C8orf34: variants seen among roughly 807,000 people sequenced by gnomAD.
C8orf34 encodes chromosome 8 open reading frame 34, also known as uncharacterized protein C8orf34.
C8orf34 carries 65 observed loss-of-function variants against 68.3 expected under a neutral mutation model. The ratio of observed to expected loss-of-function variants is 0.95; its 90% CI spans 0.78 to 1.17. The LOEUF (loss-of-function observed/expected upper bound fraction) is 1.17, where lower values mean the gene tolerates loss of function less well. C8orf34 is among the 50% of genes most tolerant of loss of function. C8orf34 has a pLI of 0.00. For synonymous variants in C8orf34, 244 were observed against 241.2 expected, an observed-to-expected ratio of 1.01 and a Z score of -0.11; for missense variants, 664 against 655.4, an observed-to-expected ratio of 1.01 and a Z score of -0.14.
intron 10 of C8orf34, among the ~76,000 whole-genome samples, chr8:68,763,475 A>T (rs17389700): frequency 6.6e-6 from 1 of 151,898 alleles, no homozygotes; most frequent in Non-Finnish European, 1.5e-5. Flanking sequence ...CCTTCAGTTT[A>T]TTTTTGTTCA....
chr8:68,489,705 G>A (rs976744417), intron 5 of C8orf34, among the ~76,000 whole-genome samples: 4 of 152,056 alleles, frequency 2.6e-5, no homozygotes, highest in Non-Finnish European at 4.4e-5. Flanking sequence ...TTTCAAATTA[G>A]GGATGCTCAA....
chr8:68,809,918 A>T lies in C8orf34; in HGVS notation c.1550-5968A>T, dbSNP rs527780074. On this transcript the variant is annotated intron_variant, in intron 12 of 13. Coordinates refer to ENST00000518698, the MANE Select transcript of C8orf34 (RefSeq NM_052958.4). ...ACGATTAAAAAGAAGAGCTCTAAGC[A>T]CAGAGCTCCAAAAGTGTGACATAAT... 1.2e-3 allele frequency among the ~76,000 whole-genome samples: 180 copies of T among 152,366 alleles called. 1 individual carries two copies. The highest frequency in any genetic ancestry group is 4.0e-3 in the African/African-American group (168 of 41,592).
chr8:68,772,751 CTCCTTCCTTCTTTCCT>C (rs1232283748), intron 10 of C8orf34, among the ~76,000 whole-genome samples: 4 of 129,418 alleles, frequency 3.1e-5, no homozygotes, highest in South Asian at 2.8e-4. Flanking sequence ...CTCTCTTTCT[CTCCTTCCTTCTTTCCT>C]TCCTTCCTTC....
At chr8:68,598,920 A>C (rs941026870) in intron 7 of C8orf34, among the ~76,000 whole-genome samples, 7 of 152,144 alleles carry the variant, frequency 4.6e-5, no homozygotes, top group African/African-American at 1.7e-4. Context: ...AATTTCAGAC[A>C]TTTGTTTTGT....
At chr8:68,669,620 G>C (rs1453261055) in intron 8 of C8orf34, among the ~76,000 whole-genome samples, 1 of 152,204 alleles carries the variant, frequency 6.6e-6, no homozygotes, top group Non-Finnish European at 1.5e-5. Context: ...GTAAGCCATT[G>C]TAATGTTCAT....
At chr8:68,521,318 C>T (rs978520552) in intron 5 of C8orf34, among the ~76,000 whole-genome samples, 1 of 152,158 alleles carries the variant, frequency 6.6e-6, no homozygotes, top group Non-Finnish European at 1.5e-5. Context: ...TGCTGTGTTT[C>T]GAATTTCTAC....
At chr8:68,453,413 A>G (rs1811424917) in intron 3 of C8orf34, among the ~76,000 whole-genome samples, 1 of 152,008 alleles carries the variant, frequency 6.6e-6, no homozygotes, top group South Asian at 2.1e-4. Flanking sequence ...TGAGCATGTA[A>G]TGTCTTCATT....
At chr8:68,584,822 A>G (rs1292134657) in intron 7 of C8orf34, among the ~76,000 whole-genome samples, 1 of 152,222 alleles carries the variant, frequency 6.6e-6, no homozygotes, top group African/African-American at 2.4e-5. Context: ...AATAATAAAC[A>G]TGAATTGAGT....
intron 1 of C8orf34, among the ~76,000 whole-genome samples, chr8:68,427,917 TAAG>T (rs1270935605): frequency 6.7e-6 from 1 of 148,584 alleles, no homozygotes; most frequent in Non-Finnish European, 1.5e-5. Flanking sequence ...GCAAACAAAA[TAAG>T]AAAGATTATT....
chr8:68,480,651 T>A (rs1261312921), intron 4 of C8orf34, among the ~76,000 whole-genome samples: 5 of 152,154 alleles, frequency 3.3e-5, no homozygotes, highest in Admixed American at 3.3e-4. Context: ...CAGATGGAGA[T>A]GAGGAACTTG....
intron 7 of C8orf34, among the ~76,000 whole-genome samples, chr8:68,569,537 T>C (rs1816701432): frequency 1.3e-5 from 2 of 151,880 alleles, no homozygotes; most frequent in South Asian, 4.1e-4. Flanking sequence ...GCTGCGTGGA[T>C]CCCAGACAAC....
intron 1 of C8orf34, among the ~76,000 whole-genome samples, chr8:68,415,020 C>T (rs1351893190): frequency 6.6e-6 from 1 of 152,016 alleles, no homozygotes; most frequent in East Asian, 1.9e-4. Flanking sequence ...AATTTGAGAC[C>T]CACAGTGTCA....
At chr8:68,643,395 T>C (rs1215056743) in intron 8 of C8orf34, among the ~76,000 whole-genome samples, 1 of 152,240 alleles carries the variant, frequency 6.6e-6, no homozygotes, top group East Asian at 1.9e-4. Context: ...GGTTGTATTG[T>C]GTGTCCACAT....
rs149964660 is a variant in C8orf34 at position 68,706,040 on chromosome 8, G to A, written c.1242-2954G>A. Among the ~76,000 whole-genome samples the A allele has an allele frequency of 2.4e-3, 371 of 152,322 alleles. 3 individuals are homozygous for A. The highest frequency in any genetic ancestry group is 8.4e-3 in the African/African-American group (351 of 41,582). On this transcript the variant is annotated intron_variant, in intron 8 of 13. Transcript: ENST00000518698. Reference sequence around the variant, plus strand: ...TTACATAATTGTTCTGGGTGACACAGAGGAGAGCTGATGGTGAGATTTTTG... The same window carrying A: ...TTACATAATTGTTCTGGGTGACACAAAGGAGAGCTGATGGTGAGATTTTTG...
intron 10 of C8orf34, among the ~76,000 whole-genome samples, chr8:68,746,823 C>T (rs1294545317): frequency 6.6e-6 from 1 of 151,646 alleles, no homozygotes; most frequent in African/African-American, 2.4e-5. Context: ...GAACTGGTAC[C>T]ATTCCTTCTG....
chr8:68,771,357 CTG>C (rs1385149956), intron 10 of C8orf34, among the ~76,000 whole-genome samples: 3 of 152,126 alleles, frequency 2.0e-5, no homozygotes, highest in Admixed American at 6.5e-5. Flanking sequence ...TGTGGTAACT[CTG>C]TGTAATAATG....
At chr8:68,792,826 A>G (rs1824049280) in intron 12 of C8orf34, among the ~76,000 whole-genome samples, 1 of 151,880 alleles carries the variant, frequency 6.6e-6, no homozygotes, top group Admixed American at 6.6e-5. Flanking sequence ...AAATATAAAG[A>G]GATGGAAAAT....
intron 4 of C8orf34, among the ~76,000 whole-genome samples, chr8:68,482,227 T>G (rs1340058905): frequency 6.6e-6 from 1 of 152,190 alleles, no homozygotes; most frequent in Non-Finnish European, 1.5e-5. Flanking sequence ...AGAATTGCCT[T>G]TTGTCTCCCA....
intron 7 of C8orf34, among the ~76,000 whole-genome samples, chr8:68,620,293 C>T (rs1273764374): frequency 6.6e-6 from 1 of 152,116 alleles, no homozygotes; most frequent in Non-Finnish European, 1.5e-5. Context: ...GACCTCACAC[C>T]AGAGGGTGTG....
Sources: allele counts gnomAD v4.1 joint callset (sites outside exome capture counted in the v4.1 genomes callset), GRCh38; gene constraint gnomAD v4.1.1; transcripts MANE v1.5; gene names NCBI Gene and HGNC (gene_info 2026-07-23, HGNC 2026-07-21).